SEMA6D: variants seen among roughly 807,000 people sequenced by gnomAD.
SEMA6D encodes the protein semaphorin 6D, also known as semaphorin-6D.
Under a neutral mutation model 106.6 loss-of-function variants are expected in SEMA6D, and 35 were observed. The ratio of observed to expected loss-of-function variants is 0.33; its 90% CI spans 0.25 to 0.44. The LOEUF (loss-of-function observed/expected upper bound fraction) is 0.44. Ranked by LOEUF, SEMA6D falls within the 20% of genes least tolerant of loss-of-function variation. SEMA6D has a pLI of 1.00. For missense variants in SEMA6D, 1,185 were observed against 1,345.9 expected (o/e 0.88, Z 1.87); for synonymous variants, 499 against 487.7 (o/e 1.02, Z -0.31).
intron 2 of SEMA6D, among the ~76,000 whole-genome samples, chr15:47,425,558 C>G (rs536756551): frequency 1.3e-5 from 2 of 151,920 alleles, no homozygotes; most frequent in African/African-American, 4.8e-5. Flanking sequence ...TTGTACTGTG[C>G]TTTAGCTTTT....
intron 1 of SEMA6D, among the ~76,000 whole-genome samples, chr15:47,189,615 C>T (rs546384917): frequency 2.4e-4 from 36 of 152,314 alleles, no homozygotes; most frequent in African/African-American, 8.7e-4. Flanking sequence ...TAACCAGCTA[C>T]CTCTAGATGT....
Position 47,254,662 on chromosome 15 carries a change from C to G in SEMA6D, c.-239+70244C>G, listed in dbSNP as rs147873174. Among the ~76,000 whole-genome samples, 7 of 152,182 alleles carry G rather than the reference C, an allele frequency of 4.6e-5. No individual in the cohort carries two copies. The East Asian group carries it at 1.4e-3, about 29-fold the overall frequency. ...ATTTCATTGAATGCTTTTTCTGCAT[C>G]TATTGAAGTGATCTTATGGTTTTTG... On this transcript the variant is annotated intron_variant, in intron 1 of 19. Coordinates refer to the SEMA6D transcript ENST00000558014.
At chr15:47,537,450 G>A (rs1004343142) in intron 3 of SEMA6D, among the ~76,000 whole-genome samples, 1 of 152,200 alleles carries the variant, frequency 6.6e-6, no homozygotes, top group African/African-American at 2.4e-5. Flanking sequence ...GTGGCACTTA[G>A]GTTGAAGCAT....
intron 1 of SEMA6D, among the ~76,000 whole-genome samples, chr15:47,304,433 T>TAAAAAAAAAAAAAAAAAAAA (rs56185341): frequency 1.1e-5 from 1 of 93,842 alleles, no homozygotes; most frequent in South Asian, 3.6e-4. Flanking sequence ...GCCTTCTAAC[T>TAAAAAAAAAAAAAAAAAAAA]AAAAAAAAAA....
At chr15:47,595,445 C>T (rs1347467) in intron 3 of SEMA6D, among the ~76,000 whole-genome samples, 150,268 of 152,322 alleles carry the variant, frequency 0.99, 74,144 homozygotes, top group South Asian at 1. Context: ...TGGTGAATCA[C>T]ACTTTTAATA....
intron 1 of SEMA6D, chr15:47,339,344 T>A: frequency 6.6e-6 from 1 of 151,734 alleles, no homozygotes; most frequent in East Asian, 1.9e-4. Context: ...TGGGGAGGGG[T>A]CTTGGGGACC....
intron 3 of SEMA6D, among the ~76,000 whole-genome samples, chr15:47,537,539 G>C (rs1401644306): frequency 6.6e-6 from 1 of 152,152 alleles, no homozygotes; most frequent in Non-Finnish European, 1.5e-5. Context: ...TCTTAAAAAG[G>C]AGAAAGACTT....
intron 4 of SEMA6D, among the ~76,000 whole-genome samples, chr15:47,646,904 G>T (rs1010327671): frequency 3.3e-5 from 5 of 152,190 alleles, no homozygotes; most frequent in African/African-American, 9.7e-5. Flanking sequence ...ACTAAAAAAG[G>T]TTGGCATTTA....
chr15:47,415,047 GA>G (rs1258369809), intron 2 of SEMA6D, among the ~76,000 whole-genome samples: 1 of 152,148 alleles, frequency 6.6e-6, no homozygotes, highest in Non-Finnish European at 1.5e-5. Context: ...TCACTACACA[GA>G]ATTTAGTATT....
At chr15:47,348,743 G>C (rs3858899) in intron 1 of SEMA6D, among the ~76,000 whole-genome samples, 1 of 54,886 alleles carries the variant, frequency 1.8e-5, no homozygotes, top group Non-Finnish European at 6.7e-5. Context: ...GAGAGAGAGA[G>C]AGAGAGAGAG....
intron 3 of SEMA6D, among the ~76,000 whole-genome samples, chr15:47,506,599 AACACACAC>A (rs61155774): frequency 2.2e-5 from 3 of 137,794 alleles, no homozygotes; most frequent in African/African-American, 2.8e-5. Flanking sequence ...CACACACACA[AACACACAC>A]ACACACACAC....
At chr15:47,310,916 G>A (rs906722515) in intron 1 of SEMA6D, among the ~76,000 whole-genome samples, 13 of 152,132 alleles carry the variant, frequency 8.5e-5, no homozygotes, top group African/African-American at 2.9e-4. Flanking sequence ...CTTAACACAG[G>A]ATTTCTTGTT....
intron 2 of SEMA6D, among the ~76,000 whole-genome samples, chr15:47,463,892 T>G (rs1355926639): frequency 6.6e-6 from 1 of 152,138 alleles, no homozygotes; most frequent in African/African-American, 2.4e-5. Flanking sequence ...GTGGCTGCGT[T>G]ACTCCAATCT....
chr15:47,444,983 T>A (rs879398069), intron 2 of SEMA6D, among the ~76,000 whole-genome samples: 8 of 152,074 alleles, frequency 5.3e-5, no homozygotes, highest in Non-Finnish European at 8.8e-5. Flanking sequence ...CTCAGCTGGA[T>A]GGATGGGGAG....
intron 1 of SEMA6D, among the ~76,000 whole-genome samples, chr15:47,206,985 G>A (rs1007190670): frequency 2.0e-5 from 3 of 152,014 alleles, no homozygotes; most frequent in African/African-American, 7.2e-5. Context: ...ATAACTTCAA[G>A]GGAAAACCTA....
chr15:47,476,744 A>G (rs2043012760), intron 3 of SEMA6D, among the ~76,000 whole-genome samples: 1 of 152,032 alleles, frequency 6.6e-6, no homozygotes, highest in Non-Finnish European at 1.5e-5. Context: ...AACTCATGCC[A>G]TTTACTCTGG....
At chr15:47,403,438 C>T (rs747513062) in intron 1 of SEMA6D, among the ~76,000 whole-genome samples, 9 of 151,986 alleles carry the variant, frequency 5.9e-5, no homozygotes, top group Non-Finnish European at 8.8e-5. Context: ...CAATTTAGTG[C>T]GGGTCAATAA....
intron 3 of SEMA6D, among the ~76,000 whole-genome samples, chr15:47,506,514 C>T (rs973610872): frequency 1.3e-5 from 2 of 151,576 alleles, no homozygotes; most frequent in African/African-American, 4.8e-5. Flanking sequence ...AAAATCCAAG[C>T]CTGAATTACC....
chr15:47,317,314 G>A (rs538649573), intron 1 of SEMA6D, among the ~76,000 whole-genome samples: 2 of 151,872 alleles, frequency 1.3e-5, no homozygotes, highest in South Asian at 4.2e-4. Context: ...TTCTTTTCCA[G>A]TTTGTCTGGC....
Sources: allele counts gnomAD v4.1 joint callset (sites outside exome capture counted in the v4.1 genomes callset), GRCh38; gene constraint gnomAD v4.1.1; transcripts MANE v1.5; gene names NCBI Gene and HGNC (gene_info 2026-07-23, HGNC 2026-07-21).